ANKMY2: variants seen among roughly 807,000 people sequenced by gnomAD.
The protein encoded by ANKMY2 is ankyrin repeat and MYND domain containing 2, also known as ankyrin repeat and MYND domain-containing protein 2.
In ANKMY2, 36 loss-of-function variants were observed where a neutral mutation model predicts 50.4. That is an observed-to-expected ratio of 0.71 (90% CI 0.55 to 0.94). ANKMY2 has a LOEUF of 0.94. Ranked by LOEUF, ANKMY2 falls within the 40% of genes least tolerant of loss-of-function variation. ANKMY2 has a pLI of 0.00. For synonymous variants in ANKMY2, 187 were observed against 178.8 expected (o/e 1.05, Z -0.36); for missense variants, 565 against 524.0 (o/e 1.08, Z -0.76).
chr7:16,645,264 A>C (rs1781817871), intron 1 of ANKMY2, among the ~76,000 whole-genome samples: 1 of 152,164 alleles, frequency 6.6e-6, no homozygotes, highest in Non-Finnish European at 1.5e-5. Flanking sequence ...TACGTTTCCA[A>C]AAGCGGATTT....
At chr7:16,605,097 T>A (rs963923564) in intron 7 of ANKMY2, among the ~76,000 whole-genome samples, 1 of 152,132 alleles carries the variant, frequency 6.6e-6, no homozygotes, top group Non-Finnish European at 1.5e-5. Flanking sequence ...ACACCCTTAA[T>A]CTAGAAAAAA....
chr7:16,631,862 G>A (rs755064823), intron 2 of ANKMY2, among the ~76,000 whole-genome samples: 3 of 151,952 alleles, frequency 2.0e-5, no homozygotes, highest in South Asian at 2.1e-4. Context: ...TGATCCAACC[G>A]CCTCGGCCTC....
chr7:16,636,224 A>C (rs1583684879), intron 2 of ANKMY2, among the ~76,000 whole-genome samples, 167 bp downstream of exon 2: 1 of 150,944 alleles, frequency 6.6e-6, no homozygotes, highest in South Asian at 2.1e-4. Flanking sequence ...AATCACTTGA[A>C]ACAAGAAGGC....
chr7:16,605,723 C>A (rs1781148578), intron 7 of ANKMY2, among the ~76,000 whole-genome samples: 1 of 148,090 alleles, frequency 6.8e-6, no homozygotes, highest in Non-Finnish European at 1.5e-5. Flanking sequence ...CGCTCTGTCG[C>A]CCAGGCTAGA....
intron 7 of ANKMY2, among the ~76,000 whole-genome samples, chr7:16,605,437 G>A (rs1291945172): frequency 6.6e-6 from 1 of 152,094 alleles, no homozygotes; most frequent in Non-Finnish European, 1.5e-5. Context: ...AAAACCAAAT[G>A]TGTGAAACTT....
At chr7:16,604,871 G>A (rs1379166773) in intron 7 of ANKMY2, 22 bp from the exon 8 acceptor site, 7 of 1,587,924 alleles carry the variant, frequency 4.4e-6, no homozygotes, top group African/African-American at 2.7e-5. Context: ...ATGAAGAGGA[G>A]AAAAAACAAA....
intron 1 of ANKMY2, among the ~76,000 whole-genome samples, chr7:16,642,017 A>G (rs972434434): frequency 1.3e-5 from 2 of 150,072 alleles, no homozygotes; most frequent in African/African-American, 4.9e-5. Flanking sequence ...AACTGATTAA[A>G]AAGTGTGTAC....
chr7:16,611,919 G>A (rs62443196), intron 5 of ANKMY2, among the ~76,000 whole-genome samples: 7,098 of 152,194 alleles, frequency 0.047, 216 homozygotes, highest in Non-Finnish European at 0.068. Context: ...GCACTTTCCC[G>A]CCTTTGGGTA....
chr7:16,615,459 TCA>T (rs1781329275), intron 5 of ANKMY2, among the ~76,000 whole-genome samples: 1 of 152,104 alleles, frequency 6.6e-6, no homozygotes, highest in African/African-American at 2.4e-5. Flanking sequence ...CTGGAGCCAC[TCA>T]CACTCCAGAG....
rs532143514 is a variant in ANKMY2 at position 16,609,752 on chromosome 7, G to C, written c.760C>G (p.Arg254Gly). The C allele has an allele frequency of 8.7e-6, 14 of 1,607,702 alleles. No homozygotes were observed. The South Asian group carries it at 1.2e-4, about 14-fold the overall frequency. The change falls in exon 7 of 10, where the codon CGA becomes GGA. Residue 254 changes from arginine (R) to glycine (G), a missense_variant. By Grantham distance (125) the Arg-to-Gly change is moderately radical. Coordinates refer to ENST00000306999, the MANE Select transcript of ANKMY2 (RefSeq NM_020319.3). Reference protein sequence around the residue: ...DTLIKSLLKGRASDGFPVYQE... With the variant: ...DTLIKSLLKGGASDGFPVYQE... ...TACACTGGAAAGCCATCAGAAGCTC[G>C]GCCTTTTAACAAGCTGAAAGATATT...
In ANKMY2 at chr7:16,627,114, A is replaced by T; in HGVS notation, c.197T>A (p.Leu66Gln). The change falls in exon 3 of 10, where the codon CTG (leucine) becomes CAG (glutamine). Residue 66 changes from leucine to glutamine, a missense_variant. Transcript: ENST00000306999. Reference sequence around the variant, plus strand: ...ACAATTTACATCGGCTCCATGTCGCAGTAGTAATTTGCACATATCGAGTTT... The same window carrying T: ...ACAATTTACATCGGCTCCATGTCGCTGTAGTAATTTGCACATATCGAGTTT... The part of the protein sequence containing the change: ...KGKLDMCKLL[L>Q]RHGADVNCHQ... 1 of 1,612,728 alleles carries T rather than the reference A, an allele frequency of 6.2e-7. No individual in the cohort carries two copies. Among genetic ancestry groups the T allele is most frequent in the Non-Finnish European group, 8.5e-7 (1 of 1,179,182 alleles).
chr7:16,620,474 G>A (rs2286225), intron 4 of ANKMY2, among the ~76,000 whole-genome samples: 26,859 of 152,102 alleles, frequency 0.18, 2,652 homozygotes, highest in Middle Eastern at 0.26. Context: ...AGAAATAAAT[G>A]AAGTATAAGG....
intron 1 of ANKMY2, chr7:16,644,733 G>T (rs1350691777): frequency 2.1e-6 from 1 of 470,798 alleles, no homozygotes; most frequent in Non-Finnish European, 4.4e-6. Context: ...ACGTCCACTC[G>T]GGGACTCCGG....
rs1327002017 is a variant in ANKMY2 at position 16,633,219 on chromosome 7, G to C, written c.132+3172C>G. Among the ~76,000 whole-genome samples, 2 of 150,978 alleles carry C rather than the reference G, an allele frequency of 1.3e-5. 1 individual carries two copies. On this transcript the variant is annotated intron_variant, in intron 2 of 9. Coordinates refer to ENST00000306999, the MANE Select transcript of ANKMY2 (RefSeq NM_020319.3). ...AGACTGTCTTTTCACTTTCTCGGTGGTACGCTTTGAAACACAAAAGTTTTT... is the reference window on the plus strand; with the variant it reads ...AGACTGTCTTTTCACTTTCTCGGTGCTACGCTTTGAAACACAAAAGTTTTT...
intron 9 of ANKMY2, 72 bp downstream of exon 9, chr7:16,602,308 C>T (rs537965997): frequency 1.1e-4 from 175 of 1,538,778 alleles, no homozygotes; most frequent in Middle Eastern, 8.7e-4. Flanking sequence ...GACGCAGTTT[C>T]AGTGTGTTAA....
At chr7:16,616,661 A>G (rs750122884) in intron 4 of ANKMY2, among the ~76,000 whole-genome samples, 2 of 152,198 alleles carry the variant, frequency 1.3e-5, no homozygotes, top group Non-Finnish European at 2.9e-5. Context: ...CAGGGCACAC[A>G]GGAGGGCGGG....
At chr7:16,626,984 T>C in intron 3 of ANKMY2, 56 bp downstream of exon 3, 1 of 1,389,432 alleles carries the variant, frequency 7.2e-7, no homozygotes, top group Non-Finnish European at 9.6e-7. Flanking sequence ...TTAGTATATA[T>C]GTACTTATAA....
rs938622166 is a variant in ANKMY2 at position 16,605,654 on chromosome 7, C to T, written c.883-805G>A. Among the ~76,000 whole-genome samples the T allele has an allele frequency of 1.1e-4, 17 of 149,700 alleles. No homozygotes were observed. In the South Asian group the frequency reaches 2.4e-3, roughly 21 times the overall value. On this transcript the variant is annotated intron_variant, in intron 7 of 9. Coordinates refer to ENST00000306999, the MANE Select transcript of ANKMY2 (RefSeq NM_020319.3). ...CTGGGATTGCAGGCGCCCGCCACTA[C>T]GCCCAGCTAATTTTTTGTACTTTTT...
chr7:16,607,948 G>T (rs1206018873), intron 7 of ANKMY2, among the ~76,000 whole-genome samples: 1 of 152,122 alleles, frequency 6.6e-6, no homozygotes, highest in Admixed American at 6.6e-5. Context: ...GAGGGCTTCT[G>T]GGAGAGCTTA....
Sources: gnomAD v4.1 joint callset for allele counts (sites outside exome capture counted in the v4.1 genomes callset) on GRCh38, gnomAD v4.1.1 for gene constraint, MANE v1.5 for transcripts, NCBI Gene and HGNC (gene_info 2026-07-23, HGNC 2026-07-21) for gene names.